PALS2: variants seen among roughly 807,000 people sequenced by gnomAD.
PALS2 encodes protein PALS2.
In PALS2, 27 loss-of-function variants were observed where a neutral mutation model predicts 61.6. That is an observed-to-expected ratio of 0.44 (90% CI 0.32 to 0.60). The LOEUF is 0.60. Among genes scored for constraint, PALS2 ranks in the 20% least tolerant of loss-of-function variants. The pLI is 0.05. For missense variants in PALS2, 554 were observed against 639.4 expected (o/e 0.87, Z 1.44); for synonymous variants, 236 against 218.6 (o/e 1.08, Z -0.70).
At chr7:24,605,323 T>C (rs1011897259) in intron 1 of PALS2, among the ~76,000 whole-genome samples, 2 of 152,276 alleles carry the variant, frequency 1.3e-5, no homozygotes, top group African/African-American at 4.8e-5. Flanking sequence ...ACTGCCATGT[T>C]CCTCAGACGC....
chr7:24,667,482 A>G (rs1009155685), intron 8 of PALS2, among the ~76,000 whole-genome samples: 2 of 152,100 alleles, frequency 1.3e-5, no homozygotes, highest in East Asian at 1.9e-4. Flanking sequence ...TTAAGCAACC[A>G]CGCTAGGTTT....
At chr7:24,676,443 G>T (rs541596800) in intron 9 of PALS2, among the ~76,000 whole-genome samples, 4 of 151,934 alleles carry the variant, frequency 2.6e-5, no homozygotes, top group Non-Finnish European at 4.4e-5. Flanking sequence ...GACATGAAGT[G>T]CTTGCCCATG....
At chr7:24,608,445 C>G (rs974181598) in intron 1 of PALS2, among the ~76,000 whole-genome samples, 3 of 152,046 alleles carry the variant, frequency 2.0e-5, no homozygotes, top group Non-Finnish European at 4.4e-5. Context: ...CTATTCTTGT[C>G]TTATGAAACT....
intron 1 of PALS2, among the ~76,000 whole-genome samples, chr7:24,609,215 T>G (rs1017351450): frequency 6.6e-6 from 1 of 152,116 alleles, no homozygotes; most frequent in Non-Finnish European, 1.5e-5. Context: ...CAGGATTATA[T>G]CTGATGAGGA....
chr7:24,605,842 A>AT (rs1562609720), intron 1 of PALS2, among the ~76,000 whole-genome samples: 1 of 152,170 alleles, frequency 6.6e-6, no homozygotes, highest in African/African-American at 2.4e-5. Context: ...GAAAGTCAAC[A>AT]TCATGAGGAT....
intron 1 of PALS2, among the ~76,000 whole-genome samples, chr7:24,599,525 T>TTTTTTTTTTTTTTG (rs4000763): frequency 6.3e-5 from 9 of 143,624 alleles, no homozygotes; most frequent in Non-Finnish European, 1.2e-4. Context: ...TTTTTTTTTT[T>TTTTTTTTTTTTTTG]ATGGAGTCTT....
intron 1 of PALS2, among the ~76,000 whole-genome samples, chr7:24,611,208 A>T (rs1235028178): frequency 6.6e-6 from 1 of 152,146 alleles, no homozygotes; most frequent in African/African-American, 2.4e-5. Context: ...TTTCCTTAAC[A>T]TAATAAACTG....
intron 1 of PALS2, among the ~76,000 whole-genome samples, chr7:24,580,281 C>T (rs529074582): frequency 1.3e-5 from 2 of 152,120 alleles, no homozygotes; most frequent in African/African-American, 2.4e-5. Flanking sequence ...AGCTATCCTA[C>T]GCTAAAGGAT....
intron 2 of PALS2, among the ~76,000 whole-genome samples, chr7:24,634,158 C>T (rs372823243): frequency 1.3e-5 from 2 of 152,162 alleles, no homozygotes; most frequent in African/African-American, 2.4e-5. Context: ...GCAAATATTT[C>T]TCCCATTATA....
At chr7:24,574,078 C>T (rs1203342187) in intron 1 of PALS2, 1 of 152,340 alleles carries the variant, frequency 6.6e-6, no homozygotes, top group African/African-American at 2.4e-5. Context: ...CTGACACCTC[C>T]GGGGTCTGTC....
chr7:24,617,434 C>CA lies in PALS2; in HGVS notation c.-2-6231dup, dbSNP rs1363781943. Among the ~76,000 whole-genome samples, 3 of 152,184 alleles carry CA rather than the reference C, an allele frequency of 2.0e-5. No individual in the cohort carries two copies. The East Asian group carries it at 5.8e-4, about 29-fold the overall frequency. On this transcript the variant is annotated intron_variant, in intron 1 of 11. Transcript: ENST00000222644. ...AATTACTGTATTCCTTTGGAAGTGT[C>CA]ACGTTTCTTTGTATTTTCATGTTTG...
At chr7:24,602,204 G>A (rs1489138732) in intron 1 of PALS2, among the ~76,000 whole-genome samples, 3 of 151,630 alleles carry the variant, frequency 2.0e-5, no homozygotes, top group Non-Finnish European at 4.4e-5. Flanking sequence ...GAGCTCTTTT[G>A]TTTCCTCTGT....
Position 24,668,583 on chromosome 7 carries a change from C to T in PALS2, c.1037C>T (p.Ala346Val). The change falls in exon 9 of 12, where the codon GCT (alanine) becomes GTT (valine). Residue 346 changes from alanine (A) to valine (V), a missense_variant. By Grantham distance (64) the Ala-to-Val change is moderately conservative. Transcript: ENST00000222644. ...AGAAAAACATTAGTATTGATAGGAG[C>T]TCAAGGTGTAGGCCGAAGAAGCTTG... ...FQRKTLVLIG[A>V]QGVGRRSLKN... is the part of the protein sequence containing the mutation. 5.6e-6 allele frequency: 9 copies of T among 1,613,860 alleles called. No homozygotes were observed. The highest frequency in any genetic ancestry group is 7.6e-6 in the Non-Finnish European group (9 of 1,179,880).
intron 5 of PALS2, among the ~76,000 whole-genome samples, chr7:24,658,777 G>C (rs537870203): frequency 9.2e-5 from 14 of 151,618 alleles, no homozygotes; most frequent in Admixed American, 9.2e-4. Context: ...GGATGGTCTC[G>C]ATCTCTTGAT....
At chr7:24,680,121 C>T (rs951590734) in intron 10 of PALS2, among the ~76,000 whole-genome samples, 28 of 152,062 alleles carry the variant, frequency 1.8e-4, no homozygotes, top group Admixed American at 1.6e-3. Flanking sequence ...CTACAATTAA[C>T]ATAAAAAAGA....
At position 24,641,681 on chromosome 7, in the gene PALS2, A is replaced by C. The variant is rs746237220; in HGVS notation, c.118-35A>C. 2.9e-5 allele frequency: 44 copies of C among 1,495,768 alleles called. No individual in the cohort carries two copies. The South Asian group carries it at 4.7e-4, about 16-fold the overall frequency. 92.7% of individuals were successfully genotyped at this position (1,495,768 alleles called of 1,614,324 possible). On this transcript the variant is annotated intron_variant, in intron 2 of 11. Transcript: ENST00000222644. Reference sequence around the variant, plus strand: ...CATGGTCTGGTGCAAATAACAAATAAGTATTACTACTTTAATATACTCTTA... The same window carrying C: ...CATGGTCTGGTGCAAATAACAAATACGTATTACTACTTTAATATACTCTTA...
chr7:24,623,504 T>C (rs949165139), intron 1 of PALS2, among the ~76,000 whole-genome samples, 162 bp from the exon 2 acceptor site: 2 of 152,176 alleles, frequency 1.3e-5, no homozygotes, highest in Non-Finnish European at 2.9e-5. Context: ...TTGAAACTCA[T>C]ACTGTTTAAC....
intron 1 of PALS2, among the ~76,000 whole-genome samples, chr7:24,614,606 A>G (rs1398580680): frequency 6.6e-6 from 1 of 151,970 alleles, no homozygotes; most frequent in African/African-American, 2.4e-5. Flanking sequence ...GTATTATTAC[A>G]TCTAAAAGGA....
intron 2 of PALS2, among the ~76,000 whole-genome samples, chr7:24,632,914 T>C (rs562077993): frequency 3.9e-5 from 6 of 152,286 alleles, no homozygotes; most frequent in Admixed American, 1.3e-4. Context: ...AAAAAAACTT[T>C]TTAGCAGTTC....
Sources: allele counts gnomAD v4.1 joint callset (sites outside exome capture counted in the v4.1 genomes callset), GRCh38; gene constraint gnomAD v4.1.1; transcripts MANE v1.5; gene names NCBI Gene and HGNC (gene_info 2026-07-23, HGNC 2026-07-21).